DMD: variants seen among roughly 807,000 people sequenced by gnomAD.
The protein encoded by DMD is mutant dystrophin.
Under a neutral mutation model 330.1 loss-of-function variants are expected in DMD, and 63 were observed. That is an observed-to-expected ratio of 0.19 (90% confidence interval 0.16 to 0.24). The LOEUF is 0.24. Ranked by LOEUF, DMD falls within the 10% of genes least tolerant of loss-of-function variation. The probability of loss-of-function intolerance (pLI) is 1.00; values close to 1 mark genes in which losing one functional copy is unlikely to be tolerated. For missense variants in DMD, 3,344 were observed against 2,684.1 expected, an observed-to-expected ratio of 1.25 and a Z score of -5.43; for synonymous variants, 1,223 against 959.8, an observed-to-expected ratio of 1.27 and a Z score of -5.07.
At chrX:32,144,935 G>A (rs1213556113) in intron 44 of DMD, among the ~76,000 whole-genome samples, 2 of 111,207 alleles carry the variant, frequency 1.8e-5, no homozygotes, top group Admixed American at 1.9e-4. Context: ...TAGGGAGGCT[G>A]AGGCAGGAGA....
intron 52 of DMD, among the ~76,000 whole-genome samples, chrX:31,711,454 A>C (rs2084632827): frequency 9.0e-6 from 1 of 111,415 alleles, no homozygotes; most frequent in African/African-American, 3.3e-5. Context: ...TGCTCTACAA[A>C]TCTTTTTTTT....
chrX:33,325,839 C>T (rs924534635), intron 1 of DMD, among the ~76,000 whole-genome samples: 2 of 111,531 alleles, frequency 1.8e-5, no homozygotes, highest in Admixed American at 9.6e-5. Flanking sequence ...TACCAATATG[C>T]CTGAATCCAT....
intron 7 of DMD, among the ~76,000 whole-genome samples, chrX:32,776,850 CTTAA>C (rs996868602): frequency 1.1e-3 from 120 of 111,934 alleles, no homozygotes; most frequent in African/African-American, 3.3e-3. Context: ...TTCTCAAATG[CTTAA>C]TTAATTAAAC....
chrX:32,957,502 A>G (rs2091659454), intron 2 of DMD, among the ~76,000 whole-genome samples: 3 of 111,762 alleles, frequency 2.7e-5, no homozygotes, highest in Non-Finnish European at 3.8e-5. Context: ...TTTGTGGTCA[A>G]GATGGTATAT....
At chrX:31,224,019 A>G (rs969221267) in intron 63 of DMD, among the ~76,000 whole-genome samples, 2 of 111,744 alleles carry the variant, frequency 1.8e-5, no homozygotes, top group African/African-American at 6.5e-5. Flanking sequence ...GCCACCTAGC[A>G]GGAAGCTATA....
chrX:31,387,807 A>C (rs1049293266), intron 60 of DMD, among the ~76,000 whole-genome samples: 1 of 110,542 alleles, frequency 9.0e-6, no homozygotes, highest in Non-Finnish European at 1.9e-5. Flanking sequence ...CTCCCTCCCC[A>C]CTTCTTTCAG....
chrX:32,122,815 T>G (rs2096642670), intron 44 of DMD, among the ~76,000 whole-genome samples: 2 of 111,345 alleles, frequency 1.8e-5, no homozygotes, highest in Non-Finnish European at 3.8e-5. Context: ...CAGTGGTAGT[T>G]TTTAAATTGT....
chrX:32,785,909 T>G (rs1239212166), intron 7 of DMD, among the ~76,000 whole-genome samples: 22 of 111,401 alleles, frequency 2.0e-4, no homozygotes, highest in Non-Finnish European at 1.9e-5. Context: ...TTTTTCCAAA[T>G]ACTCAAATGC....
At chrX:31,805,607 G>C (rs997198256) in intron 50 of DMD, among the ~76,000 whole-genome samples, 2 of 111,666 alleles carry the variant, frequency 1.8e-5, no homozygotes, top group East Asian at 5.6e-4. Flanking sequence ...TTTTAGGCTC[G>C]AGTCCTTTTA....
chrX:31,378,352 C>T (rs771591829), intron 60 of DMD, among the ~76,000 whole-genome samples: 3 of 110,920 alleles, frequency 2.7e-5, no homozygotes, highest in Non-Finnish European at 5.7e-5. Context: ...CTCCTCCAAC[C>T]TCTCACTATC....
At chrX:31,494,527 G>C (rs1471993696) in intron 57 of DMD, among the ~76,000 whole-genome samples, 2 of 111,633 alleles carry the variant, frequency 1.8e-5, no homozygotes, top group Non-Finnish European at 3.8e-5. Context: ...ATCTGAGCAA[G>C]CACACTAACC....
chrX:32,223,119 A>G (rs1178988324), intron 43 of DMD, among the ~76,000 whole-genome samples: 2 of 111,798 alleles, frequency 1.8e-5, no homozygotes, highest in African/African-American at 3.3e-5. Context: ...TTGTGCTGTT[A>G]TAACAAAATG....
rs2097746777 is a variant in DMD at position 32,342,138 on chromosome X, T to G, written c.5884A>C (p.Lys1962Gln). The change falls in exon 41 of 79, where the codon AAA becomes CAA. Residue 1962 changes from lysine to glutamine, a missense_variant. Coordinates refer to ENST00000357033, the MANE Select transcript of DMD (RefSeq NM_004006.3). ...TTGAGTCTTCGAAACTGAGCAAATT[T>G]GCTCTCAATTTCCCGCCAGCGCTTG... ...LSKRWREIES[K>Q]FAQFRRLNFA... 2 of 1,210,178 alleles carry G rather than the reference T, an allele frequency of 1.7e-6. No individual in the cohort carries two copies. The highest frequency in any genetic ancestry group is 2.2e-6 in the Non-Finnish European group (2 of 894,357).
At chrX:32,480,546 C>T (rs754444219) in intron 21 of DMD, among the ~76,000 whole-genome samples, 29 of 110,591 alleles carry the variant, frequency 2.6e-4, no homozygotes, top group Admixed American at 9.6e-4. Flanking sequence ...TATGTGTCTA[C>T]GTGTGTATAT....
chrX:31,739,183 A>C (rs551761394), intron 51 of DMD, among the ~76,000 whole-genome samples: 1 of 111,836 alleles, frequency 8.9e-6, no homozygotes, highest in Admixed American at 9.5e-5. Context: ...GTATCAAAAC[A>C]TCTCAAGTAC....
At chrX:33,322,809 G>A (rs1394113050) in intron 1 of DMD, among the ~76,000 whole-genome samples, 1 of 111,852 alleles carries the variant, frequency 8.9e-6, no homozygotes, top group Admixed American at 9.5e-5. Context: ...TTATAATACT[G>A]TCTATTGTGA....
intron 1 of DMD, among the ~76,000 whole-genome samples, chrX:33,245,131 A>C (rs936759817): frequency 2.7e-5 from 3 of 111,434 alleles, no homozygotes; most frequent in Non-Finnish European, 5.7e-5. Flanking sequence ...ATTACAACAG[A>C]AGTCTGTTTA....
intron 29 of DMD, among the ~76,000 whole-genome samples, chrX:32,433,887 G>T (rs1202577117): frequency 4.5e-5 from 5 of 111,795 alleles, no homozygotes; most frequent in African/African-American, 9.8e-5. Context: ...TACAATAGTT[G>T]TAAAAATGAT....
At chrX:32,079,494 C>T (rs1311146289) in intron 44 of DMD, among the ~76,000 whole-genome samples, 6 of 110,518 alleles carry the variant, frequency 5.4e-5, no homozygotes, top group Non-Finnish European at 9.4e-5. Context: ...ATTTGGGAGG[C>T]GGAGGCACAC....
Sources: allele counts gnomAD v4.1 joint callset (sites outside exome capture counted in the v4.1 genomes callset), GRCh38; gene constraint gnomAD v4.1.1; transcripts MANE v1.5; gene names NCBI Gene and HGNC (gene_info 2026-07-23, HGNC 2026-07-21).